The following GRM7 variants were observed in gnomAD, a reference collection of about 807,000 sequenced individuals.
GRM7 encodes glutamate metabotropic receptor 7, also known as metabotropic glutamate receptor 7.
Under a neutral mutation model 84.5 loss-of-function variants are expected in GRM7, and 35 were observed. The ratio of observed to expected loss-of-function variants is 0.41; its 90% confidence interval spans 0.32 to 0.55. The LOEUF (loss-of-function observed/expected upper bound fraction) is 0.55, where lower values mean the gene tolerates loss of function less well. Among genes scored for constraint, GRM7 ranks in the 20% least tolerant of loss-of-function variants. The probability of loss-of-function intolerance (pLI) is 0.19; values close to 1 mark genes in which losing one functional copy is unlikely to be tolerated. For missense variants in GRM7, 1,003 were observed against 1,194.6 expected, an observed-to-expected ratio of 0.84 and a Z score of 2.36; for synonymous variants, 487 against 455.1, an observed-to-expected ratio of 1.07 and a Z score of -0.89.
Position 7,589,138 on chromosome 3 carries a change from G to A in GRM7, c.2451+9781G>A, listed in dbSNP as rs139032432. ...ATGGCCAAATTACATTGTTGATGAG[G>A]TGAAGGCTGCTGCCTGGTGTTACAC... On this transcript the variant is annotated intron_variant, in intron 8 of 9. Transcript: ENST00000357716. Among the ~76,000 whole-genome samples the A allele has an allele frequency of 1.4e-3, 218 of 152,356 alleles. 1 individual carries two copies. The highest frequency in any genetic ancestry group is 4.7e-3 in the African/African-American group (197 of 41,584).
chr3:7,210,438 C>A (rs1388871479), intron 2 of GRM7, among the ~76,000 whole-genome samples: 1 of 151,848 alleles, frequency 6.6e-6, no homozygotes, highest in Non-Finnish European at 1.5e-5. Flanking sequence ...AATATTAGTT[C>A]AAAAAAATCT....
rs558617013 is a variant in GRM7, at chr3:6,863,485, A to G, written c.519+1578A>G. On this transcript the variant is annotated intron_variant, in intron 1 of 9. Coordinates refer to ENST00000357716, the MANE Select transcript of GRM7 (RefSeq NM_000844.4). The surrounding 1 kb of genome is among the most constrained non-coding windows in gnomAD (Gnocchi z 4.8). ...GTGCCCATCCAAGGCTGCAGCTTGC[A>G]TGGCCCCTCTGATCCTCTGAGCATC... Among the ~76,000 whole-genome samples the G allele has an allele frequency of 3.3e-5, 5 of 152,270 alleles. No homozygotes were observed. In the East Asian group the frequency reaches 7.7e-4, roughly 24 times the overall value.
At chr3:7,508,351 A>G (rs1167180019) in intron 7 of GRM7, among the ~76,000 whole-genome samples, 1 of 152,198 alleles carries the variant, frequency 6.6e-6, no homozygotes, top group East Asian at 1.9e-4. Context: ...CTGTGCCTTA[A>G]ATTTAAGTTT....
chr3:7,057,370 A>G (rs966204590), intron 1 of GRM7, among the ~76,000 whole-genome samples: 10 of 151,972 alleles, frequency 6.6e-5, no homozygotes, highest in African/African-American at 2.2e-4. Flanking sequence ...AAATTAGTAG[A>G]TACAAAGTAA....
chr3:7,727,658 A>G (rs1427340563), intron 9 of GRM7, among the ~76,000 whole-genome samples: 1 of 152,214 alleles, frequency 6.6e-6, no homozygotes, highest in African/African-American at 2.4e-5. Context: ...CAAGCTTCAC[A>G]GTCAATGCCG....
rs371685900 is a variant in GRM7 at position 7,252,207 on chromosome 3, C to T, written c.737-46477C>T. Among the ~76,000 whole-genome samples the T allele has an allele frequency of 2.6e-4, 39 of 152,300 alleles. No individual in the cohort carries two copies. In the East Asian group the frequency reaches 6.2e-3, roughly 24 times the overall value. On this transcript the variant is annotated intron_variant, in intron 2 of 9. Transcript: ENST00000357716. ...AGAATTTGTTACCGAGAGGCAAGTGCTTTAATTCTAAGCTCATTGTGCTGT... is the reference window on the plus strand; with the variant it reads ...AGAATTTGTTACCGAGAGGCAAGTGTTTTAATTCTAAGCTCATTGTGCTGT...
rs561890414 is a variant in GRM7, at chr3:7,614,725, A to G, written c.2451+35368A>G. ...ACTCTGACAATTACAATATACAGGC[A>G]TTCTTGAGTTAAATTCTAATAAAAA... On this transcript the variant is annotated intron_variant, in intron 8 of 9. Coordinates refer to ENST00000357716, the MANE Select transcript of GRM7 (RefSeq NM_000844.4). Among the ~76,000 whole-genome samples the G allele has an allele frequency of 2.4e-4, 37 of 152,302 alleles. 1 individual carries two copies. Among genetic ancestry groups the G allele is most frequent in the African/African-American group, 8.7e-4 (36 of 41,582 alleles).
chr3:7,394,523 C>A (rs747865296), intron 4 of GRM7, among the ~76,000 whole-genome samples: 1 of 152,110 alleles, frequency 6.6e-6, no homozygotes, highest in African/African-American at 2.4e-5. Context: ...TTTACTTGTG[C>A]TCATATACTA....
At chr3:7,072,923 C>T (rs909677511) in intron 1 of GRM7, among the ~76,000 whole-genome samples, 1 of 152,104 alleles carries the variant, frequency 6.6e-6, no homozygotes, top group Non-Finnish European at 1.5e-5. Context: ...CAGATCATGA[C>T]ATTGAGCACT....
At chr3:7,280,071 CT>C (rs1699204128) in intron 2 of GRM7, among the ~76,000 whole-genome samples, 1 of 152,090 alleles carries the variant, frequency 6.6e-6, no homozygotes, top group African/African-American at 2.4e-5. Context: ...GGCATATTTG[CT>C]TTGTTAAAAT....
chr3:7,079,483 T>C (rs1308204482), intron 1 of GRM7, among the ~76,000 whole-genome samples: 1 of 152,132 alleles, frequency 6.6e-6, no homozygotes, highest in Non-Finnish European at 1.5e-5. Flanking sequence ...AATGGAGAAC[T>C]GTACAAATGA....
At chr3:7,319,316 A>G (rs919886771) in intron 4 of GRM7, among the ~76,000 whole-genome samples, 3 of 152,008 alleles carry the variant, frequency 2.0e-5, no homozygotes, top group African/African-American at 7.2e-5. Flanking sequence ...ATAAGGGTGG[A>G]AGGGTTCATT....
intron 5 of GRM7, among the ~76,000 whole-genome samples, chr3:7,439,813 G>T (rs1697212909): frequency 6.6e-6 from 1 of 152,166 alleles, no homozygotes; most frequent in Non-Finnish European, 1.5e-5. Context: ...TGAAAACTGG[G>T]ATAAGGTTGC....
chr3:6,894,085 A>G (rs1402565908), intron 1 of GRM7: 1 of 152,162 alleles, frequency 6.6e-6, no homozygotes, highest in Non-Finnish European at 1.5e-5. Context: ...TTCAACCACT[A>G]TACATTCCAT....
intron 1 of GRM7, among the ~76,000 whole-genome samples, chr3:7,099,501 CATGTA>C (rs1699006315): frequency 6.8e-6 from 1 of 146,614 alleles, no homozygotes; most frequent in Non-Finnish European, 1.5e-5. Flanking sequence ...ACGCATTATA[CATGTA>C]CACATATATG....
At chr3:7,601,375 T>C (rs1696304774) in intron 8 of GRM7, among the ~76,000 whole-genome samples, 1 of 151,952 alleles carries the variant, frequency 6.6e-6, no homozygotes, top group South Asian at 2.1e-4. Flanking sequence ...CATTAGACCA[T>C]AAGTGAGAGA....
At position 7,188,349 on chromosome 3, in the gene GRM7, A is replaced by C. The variant is rs1695589746; in HGVS notation, c.736+41681A>C. On this transcript the variant is annotated intron_variant, in intron 2 of 9. Transcript: ENST00000357716. The surrounding 1 kb of genome is among the most constrained non-coding windows in gnomAD (Gnocchi z 4.2). ...ATGTTATATAATATAATCTGTAATT[A>C]AAACTTTAGTCTGACAATAAGATTC... Among the ~76,000 whole-genome samples the C allele has an allele frequency of 6.6e-6, 1 of 152,202 alleles. No individual in the cohort carries two copies. Among genetic ancestry groups the C allele is most frequent in the South Asian group, 2.1e-4 (1 of 4,832 alleles).
At chr3:7,688,077 G>A (rs1700655724) in intron 9 of GRM7, among the ~76,000 whole-genome samples, 1 of 152,070 alleles carries the variant, frequency 6.6e-6, no homozygotes, top group South Asian at 2.1e-4. Flanking sequence ...GAGACTGACT[G>A]AGAATAAATA....
intron 1 of GRM7, among the ~76,000 whole-genome samples, chr3:6,965,829 G>A (rs1226216668): frequency 4.6e-5 from 7 of 152,146 alleles, no homozygotes; most frequent in Admixed American, 4.6e-4. Context: ...GCATCCATCT[G>A]AGTGGTGCTA....
Sources: gnomAD v4.1 joint callset for allele counts (sites outside exome capture counted in the v4.1 genomes callset) on GRCh38, gnomAD v4.1.1 for gene constraint, Gnocchi (gnomAD v3.1) non-coding constraint, MANE v1.5 for transcripts, NCBI Gene and HGNC (gene_info 2026-07-23, HGNC 2026-07-21) for gene names.